The following PDE6A variants were observed in gnomAD, a reference collection of about 807,000 sequenced individuals.
PDE6A encodes rod cGMP-specific 3',5'-cyclic phosphodiesterase subunit alpha.
In PDE6A, 84 loss-of-function variants were observed where a neutral mutation model predicts 106.3. The ratio of observed to expected loss-of-function variants is 0.79; its 90% CI spans 0.66 to 0.95. PDE6A has a LOEUF of 0.95. Ranked by LOEUF, PDE6A falls within the 40% of genes least tolerant of loss-of-function variation. PDE6A has a pLI of 0.00. For synonymous variants in PDE6A, 394 were observed against 386.6 expected (o/e 1.02, Z -0.23); for missense variants, 1,052 against 1,084.9 (o/e 0.97, Z 0.43).
chr5:149,910,391 A>G (rs754252747), intron 6 of PDE6A, among the ~76,000 whole-genome samples: 1 of 152,248 alleles, frequency 6.6e-6, no homozygotes. Flanking sequence ...GTGCAGAGAA[A>G]GATTAAATGC....
chr5:149,912,445 G>A (rs1163397818), intron 6 of PDE6A, among the ~76,000 whole-genome samples: 1 of 152,208 alleles, frequency 6.6e-6, no homozygotes, highest in Non-Finnish European at 1.5e-5. Context: ...AGGTCAGACT[G>A]CGTTTCCTAA....
In PDE6A at chr5:149,886,727, A is replaced by G. The variant is rs182572219; in HGVS notation, c.1729-353T>C. 1.8e-3 allele frequency among the ~76,000 whole-genome samples: 269 copies of G among 152,342 alleles called. 1 individual carries two copies. The highest frequency in any genetic ancestry group is 6.2e-3 in the African/African-American group (257 of 41,574). ...GAATTTTGAGAAACTTGTAGAAGTC[A>G]GGTTTTAGGATTTGGAGAGTTTCTG... is the stretch of plus-strand genomic sequence containing the variant. On this transcript the variant is annotated intron_variant, in intron 13 of 21. Coordinates refer to ENST00000255266, the MANE Select transcript of PDE6A (RefSeq NM_000440.3).
chr5:149,870,995 C>T (rs1194975586), intron 17 of PDE6A, among the ~76,000 whole-genome samples: 4 of 151,976 alleles, frequency 2.6e-5, no homozygotes, highest in African/African-American at 9.7e-5. Flanking sequence ...AGGTGACTAG[C>T]TCAGTCCAGG....
chr5:149,915,736 G>A (rs2113630075), intron 5 of PDE6A, among the ~76,000 whole-genome samples: 1 of 152,246 alleles, frequency 6.6e-6, no homozygotes, highest in East Asian at 1.9e-4. Context: ...TGAGAAGCCA[G>A]GGGGCAAAAA....
chr5:149,872,784 C>T (rs1170198888), intron 17 of PDE6A, among the ~76,000 whole-genome samples: 1 of 152,200 alleles, frequency 6.6e-6, no homozygotes, highest in African/African-American at 2.4e-5. Context: ...CCACAAATGC[C>T]TGCGTGATGC....
At chr5:149,943,518 C>T (rs971034455) in intron 1 of PDE6A, among the ~76,000 whole-genome samples, 3 of 152,142 alleles carry the variant, frequency 2.0e-5, no homozygotes, top group African/African-American at 7.2e-5. Context: ...CAGGAGTCTC[C>T]CTATGTTGCA....
At chr5:149,876,349 C>CTT (rs896643767) in intron 17 of PDE6A, among the ~76,000 whole-genome samples, 43 of 120,106 alleles carry the variant, frequency 3.6e-4, no homozygotes, top group African/African-American at 9.3e-4. Flanking sequence ...CATTTTTCCT[C>CTT]TTTTTTTTTT....
intron 12 of PDE6A, among the ~76,000 whole-genome samples, chr5:149,895,687 C>T (rs964783971): frequency 6.6e-6 from 1 of 151,648 alleles, no homozygotes; most frequent in Admixed American, 6.6e-5. Context: ...CTCAAACTTG[C>T]GTGTGCATGA....
At chr5:149,907,162 T>C in intron 7 of PDE6A, 150 bp downstream of exon 7, 1 of 752,590 alleles carries the variant, frequency 1.3e-6, no homozygotes, top group South Asian at 1.4e-5. Flanking sequence ...TTTAGACCAG[T>C]TGCCAACTGA....
chr5:149,915,228 T>C (rs566580270), intron 5 of PDE6A, among the ~76,000 whole-genome samples: 19 of 151,212 alleles, frequency 1.3e-4, no homozygotes, highest in Non-Finnish European at 2.8e-4. Context: ...AGAGTCAGGG[T>C]TCCAACTCCT....
At chr5:149,936,737 G>A (rs566880061) in intron 1 of PDE6A, among the ~76,000 whole-genome samples, 1 of 152,314 alleles carries the variant, frequency 6.6e-6, no homozygotes, top group African/African-American at 2.4e-5. Flanking sequence ...AAGGCAGAAG[G>A]AGACTTAGAA....
chr5:149,895,198 C>T lies in PDE6A; in HGVS notation c.1713G>A (p.Met571Ile). ...WRHGFNVGQT[M>I]FSLLVTGKLK... ...CCCGCCATACCACCAGCAGGGAGAACATGGTCTGCCCCACGTTGAAGCCGT... is the reference window on the plus strand; with the variant it reads ...CCCGCCATACCACCAGCAGGGAGAATATGGTCTGCCCCACGTTGAAGCCGT... The change falls in exon 13 of 22, where the codon ATG becomes ATA. Residue 571 changes from methionine (M) to isoleucine (I), a missense_variant. Transcript: ENST00000255266. The T allele has an allele frequency of 1.2e-6, 2 of 1,613,534 alleles. No homozygotes were observed. The highest frequency in any genetic ancestry group is 1.3e-5 in the African/African-American group (1 of 75,042).
chr5:149,932,785 A>G (rs1236672786), intron 3 of PDE6A: 6 of 843,518 alleles, frequency 7.1e-6, no homozygotes, highest in Non-Finnish European at 1.1e-5. Context: ...ACTTGCTTCA[A>G]TGTGCATGTG....
rs12109444 is a variant in PDE6A at position 149,921,631 on chromosome 5, G to A, written c.933+4C>T. On this transcript the variant is annotated splice_donor_region_variant and intron_variant, in intron 5 of 21. Coordinates refer to ENST00000255266, the MANE Select transcript of PDE6A (RefSeq NM_000440.3). ...TCATACTGAAAAGGTCAGAGAGAAC[G>A]TACTCTTCCATCCGGAGTCCTGGGA... 1,341 of 1,607,890 alleles carry A rather than the reference G, an allele frequency of 8.3e-4. 12 individuals carry two copies. The African/African-American group carries it at 0.011, about 13-fold the overall frequency.
chr5:149,931,928 G>A, intron 3 of PDE6A: 1 of 924,788 alleles, frequency 1.1e-6, no homozygotes, highest in Non-Finnish European at 1.7e-6. Flanking sequence ...GGCGTACAAT[G>A]AAGAGACAGA....
At chr5:149,935,652 G>A (rs1465881476) in intron 1 of PDE6A, among the ~76,000 whole-genome samples, 1 of 152,232 alleles carries the variant, frequency 6.6e-6, no homozygotes, top group East Asian at 1.9e-4. Flanking sequence ...ATTATAGGCT[G>A]TGGTGGACCA....
At position 149,881,687 on chromosome 5, in the gene PDE6A, G is replaced by A. The variant is rs562257445; in HGVS notation, c.2135+1742C>T. 3.3e-5 allele frequency among the ~76,000 whole-genome samples: 5 copies of A among 152,278 alleles called. No individual in the cohort carries two copies. The South Asian group carries it at 1.0e-3, about 32-fold the overall frequency. On this transcript the variant is annotated intron_variant, in intron 17 of 21. Transcript: ENST00000255266. ...AGGATCGTTTGTACCCCAAACCTCA[G>A]TGTCACACAATATACCCATGTAACA...
At chr5:149,902,801 G>T (rs1181208963) in intron 8 of PDE6A, among the ~76,000 whole-genome samples, 1 of 146,434 alleles carries the variant, frequency 6.8e-6, no homozygotes, top group Non-Finnish European at 1.5e-5. Flanking sequence ...CAGCCTGGGC[G>T]ACAGAGCGAG....
At chr5:149,886,440 C>G (rs1027334000) in intron 13 of PDE6A, 66 bp from the exon 14 acceptor site, 3 of 1,243,332 alleles carry the variant, frequency 2.4e-6, no homozygotes, top group Non-Finnish European at 2.3e-6. Context: ...GCTGAAAAGG[C>G]GGGTGTAAGG....
Sources: gnomAD v4.1 joint callset for allele counts (sites outside exome capture counted in the v4.1 genomes callset) on GRCh38, gnomAD v4.1.1 for gene constraint, MANE v1.5 for transcripts, NCBI Gene and HGNC (gene_info 2026-07-23, HGNC 2026-07-21) for gene names.